Variants in TSPAN7 observed in about 807,000 individuals in gnomAD.
The protein encoded by TSPAN7 is tetraspanin 7, also known as tetraspanin-7.
A neutral mutation model predicts 17.6 loss-of-function variants in TSPAN7; 1 was observed. The observed-to-expected ratio is 0.06, with a 90% confidence interval of 0.02 to 0.27. The LOEUF is 0.27. Ranked by LOEUF, TSPAN7 falls within the 10% of genes least tolerant of loss-of-function variation. The probability of loss-of-function intolerance (pLI) is 1.00; values close to 1 mark genes in which losing one functional copy is unlikely to be tolerated. For missense variants in TSPAN7, 112 were observed against 201.7 expected (o/e 0.56, Z 2.69); for synonymous variants, 78 against 79.0 (o/e 0.99, Z 0.07).
Position 38,566,101 on chromosome X carries a change from T to C in TSPAN7, c.81+4474T>C, listed in dbSNP as rs188393579. Among the ~76,000 whole-genome samples, 44 of 112,306 alleles carry C rather than the reference T, an allele frequency of 3.9e-4. No homozygotes were observed. The East Asian group carries it at 9.8e-3, about 25-fold the overall frequency. On this transcript the variant is annotated intron_variant, in intron 1 of 7. Transcript: ENST00000378482. ...TTATGCAAAACTGTATATTTATTGG[T>C]GTTTGGAACCACCGTAGCAGAGCAT...
chrX:38,659,880 A>G (rs149419773), intron 1 of TSPAN7, among the ~76,000 whole-genome samples: 1,641 of 92,611 alleles, frequency 0.018, 34 homozygotes, highest in African/African-American at 0.065. Context: ...AGGCTGGAGT[A>G]CAGTGGCATG....
intron 2 of TSPAN7, 81 bp from the exon 3 acceptor site, chrX:38,671,295 G>C: frequency 1.0e-6 from 1 of 981,096 alleles, no homozygotes; most frequent in Non-Finnish European, 1.5e-6. Context: ...AATTCCCGCT[G>C]ATTGAAAGTA....
At chrX:38,665,504 C>A (rs2069776559) in intron 1 of TSPAN7, among the ~76,000 whole-genome samples, 1 of 112,049 alleles carries the variant, frequency 8.9e-6, no homozygotes. Flanking sequence ...TTCCTTTGGA[C>A]TGATCAGTGG....
intron 6 of TSPAN7, among the ~76,000 whole-genome samples, chrX:38,683,093 TAGG>T (rs2069902591): frequency 8.9e-6 from 1 of 111,922 alleles, no homozygotes; most frequent in Admixed American, 9.5e-5. Flanking sequence ...TACTGTACAT[TAGG>T]AGAAGAGAGC....
intron 1 of TSPAN7, among the ~76,000 whole-genome samples, chrX:38,581,742 A>C (rs1451554170): frequency 8.9e-6 from 1 of 112,307 alleles, no homozygotes; most frequent in Non-Finnish European, 1.9e-5. Flanking sequence ...AAAACTCTCC[A>C]AATTGCTGGC....
chrX:38,686,493 G>T (rs1215141434), intron 6 of TSPAN7, among the ~76,000 whole-genome samples: 1 of 111,876 alleles, frequency 8.9e-6, no homozygotes, highest in Non-Finnish European at 1.9e-5. Flanking sequence ...ATCTGATTCA[G>T]CAGGTCTGGG....
intron 6 of TSPAN7, among the ~76,000 whole-genome samples, chrX:38,682,517 A>G (rs2069899454): frequency 8.9e-6 from 1 of 112,848 alleles, no homozygotes; most frequent in Admixed American, 9.4e-5. Flanking sequence ...TTAGAGAAGT[A>G]GAAGAGCTTT....
chrX:38,610,357 A>G (rs1602098163), intron 1 of TSPAN7, among the ~76,000 whole-genome samples: 1 of 112,323 alleles, frequency 8.9e-6, no homozygotes, highest in East Asian at 2.8e-4. Flanking sequence ...TTACTTAGCT[A>G]TGCTGCATGG....
intron 1 of TSPAN7, among the ~76,000 whole-genome samples, chrX:38,652,925 C>T (rs1441544836): frequency 2.7e-5 from 3 of 112,536 alleles, no homozygotes; most frequent in Non-Finnish European, 5.6e-5. Flanking sequence ...CTTTAGCGTT[C>T]ACCTACCTAG....
At chrX:38,679,636 C>T (rs775614781) in intron 5 of TSPAN7, among the ~76,000 whole-genome samples, 1 of 108,251 alleles carries the variant, frequency 9.2e-6, no homozygotes, top group African/African-American at 3.4e-5. Flanking sequence ...CCCATCTGTA[C>T]TAAAAATACA....
chrX:38,668,741 G>A (rs915188595), intron 2 of TSPAN7, among the ~76,000 whole-genome samples: 7 of 111,810 alleles, frequency 6.3e-5, no homozygotes, highest in Non-Finnish European at 1.3e-4. Context: ...ACATGGGGGC[G>A]TGGCTATCTC....
chrX:38,619,307 T>G (rs1045837349), intron 1 of TSPAN7, among the ~76,000 whole-genome samples: 2 of 111,414 alleles, frequency 1.8e-5, no homozygotes, highest in Non-Finnish European at 3.8e-5. Context: ...TTCGCTCTGC[T>G]TTGAGTACTT....
At chrX:38,659,031 CACA>C (rs2069723853) in intron 1 of TSPAN7, among the ~76,000 whole-genome samples, 2 of 81,010 alleles carry the variant, frequency 2.5e-5, no homozygotes, top group South Asian at 6.3e-4. Flanking sequence ...CACACACACA[CACA>C]CACACCCACA....
At position 38,666,207 on chromosome X, in the gene TSPAN7, A is replaced by C. The variant is rs2069780799; in HGVS notation, c.168A>C (p.Thr56=). ...TCTCCCTTATTGCCGAGAACTCCAC[A>C]AATGCTCCCTATGTGCTCATCGGAA... ...TYISLIAENS[T]NAPYVLIGTG... Residue 56 remains threonine (T), a synonymous_variant, in exon 2 of 8, where the codon ACA becomes ACC. Coordinates refer to ENST00000378482, the MANE Select transcript of TSPAN7 (RefSeq NM_004615.4). 8.3e-7 allele frequency: 1 copy of C among 1,209,309 alleles called. No homozygotes were observed. The highest frequency in any genetic ancestry group is 2.2e-5 in the Admixed American group (1 of 45,682).
intron 1 of TSPAN7, among the ~76,000 whole-genome samples, chrX:38,575,032 A>C (rs975999727): frequency 9.0e-6 from 1 of 111,556 alleles, no homozygotes; most frequent in Non-Finnish European, 1.9e-5. Flanking sequence ...TCTGGCTTTG[A>C]AGAATCAAAC....
intron 1 of TSPAN7, among the ~76,000 whole-genome samples, chrX:38,634,074 T>C (rs184397506): frequency 2.1e-4 from 23 of 112,192 alleles, no homozygotes; most frequent in Non-Finnish European, 2.3e-4. Flanking sequence ...TGAAAGGATG[T>C]AAATAAAAAT....
At chrX:38,601,238 G>A (rs1294011736) in intron 1 of TSPAN7, among the ~76,000 whole-genome samples, 2 of 111,437 alleles carry the variant, frequency 1.8e-5, no homozygotes, top group Non-Finnish European at 3.8e-5. Context: ...ATATCATGTA[G>A]GGTATATCAT....
chrX:38,681,367 T>G, intron 6 of TSPAN7, 80 bp downstream of exon 6: 2 of 866,977 alleles, frequency 2.3e-6, no homozygotes, highest in Admixed American at 4.4e-5. Context: ...CTGCCTGCCT[T>G]CCTGTGCTTT....
rs61214693 is a variant in TSPAN7 at position 38,668,936 on chromosome X, A to ATT, written c.271-2430_271-2429dup. 1.3e-4 allele frequency among the ~76,000 whole-genome samples: 14 copies of ATT among 104,210 alleles called. No individual in the cohort carries two copies. In the South Asian group the frequency reaches 1.7e-3, roughly 13 times the overall value. The allele number at this position is 104,210 out of a possible 115,157, so 90.5% of individuals were successfully genotyped here. A position where few individuals can be genotyped will look rare whatever the true frequency, so the allele number is the denominator to read the frequency against. ...CTTTTCCACATCCTCATCAGCATTT[A>ATT]TTTTTTTTTTTGTCTAGAGACAGGG... On this transcript the variant is annotated intron_variant, in intron 2 of 7. Transcript: ENST00000378482.
Sources: allele counts gnomAD v4.1 joint callset (sites outside exome capture counted in the v4.1 genomes callset), GRCh38; gene constraint gnomAD v4.1.1; transcripts MANE v1.5; gene names NCBI Gene and HGNC (gene_info 2026-07-23, HGNC 2026-07-21).